ZMAT1: variants seen among roughly 807,000 people sequenced by gnomAD.
ZMAT1 encodes zinc finger matrin-type 1.
Under a neutral mutation model 18.5 loss-of-function variants are expected in ZMAT1, and 11 were observed. The ratio of observed to expected loss-of-function variants is 0.59; its 90% CI spans 0.37 to 0.98. The LOEUF is 0.98. Among genes scored for constraint, ZMAT1 ranks in the 50% least tolerant of loss-of-function variants. The pLI is 0.01. For missense variants in ZMAT1, 525 were observed against 496.2 expected (o/e 1.06, Z -0.55); for synonymous variants, 211 against 176.4 (o/e 1.20, Z -1.55).
In ZMAT1 at chrX:101,931,990, T is replaced by G. The variant is rs953589203; in HGVS notation, c.19A>C (p.Thr7Pro). The G allele has an allele frequency of 1.3e-6, 1 of 767,321 alleles. No homozygotes were observed. Among genetic ancestry groups the G allele is most frequent in the Non-Finnish European group, 1.5e-6 (1 of 648,622 alleles). The allele number at this position is 767,321 out of a possible 1,213,427, so 63.2% of individuals were successfully genotyped here. A position where few individuals can be genotyped will look rare whatever the true frequency, so the allele number is the denominator to read the frequency against. The change falls in exon 1 of 6, where the codon ACA (threonine) becomes CCA (proline). Residue 7 changes from threonine (T) to proline (P), a missense_variant. Coordinates refer to ENST00000651725, the MANE Select transcript of ZMAT1 (RefSeq NM_001394560.1). MAAAPS[T>P]VTPLAAESSP... ...GACTCCGCCGCCAGCGGGGTGACTG[T>G]GCTCGGCGCCGCCGCCATCGCAGCG...
At chrX:101,899,963 C>G (rs1272010591) in intron 2 of ZMAT1, among the ~76,000 whole-genome samples, 3 of 111,718 alleles carry the variant, frequency 2.7e-5, no homozygotes, top group Admixed American at 1.9e-4. Context: ...CACGCCAACA[C>G]TACTGTTATT....
Position 101,926,711 on chromosome X carries a change from C to T in ZMAT1, c.292+5006G>A, listed in dbSNP as rs530228586. On this transcript the variant is annotated intron_variant, in intron 1 of 5. Coordinates refer to ENST00000651725, the MANE Select transcript of ZMAT1 (RefSeq NM_001394560.1). ...AGTTTAAGCTATTCAAATTAGGTGA[C>T]TCTATTTTAGATATAACTGGCTATA... 1.1e-4 allele frequency among the ~76,000 whole-genome samples: 12 copies of T among 112,100 alleles called. No individual in the cohort carries two copies. The South Asian group carries it at 3.3e-3, about 31-fold the overall frequency.
intron 4 of ZMAT1, chrX:101,887,908 T>A (rs1324730626): frequency 9.0e-6 from 1 of 111,663 alleles, no homozygotes; most frequent in African/African-American, 3.3e-5. Flanking sequence ...ATGACAGACA[T>A]CAAGAAAAAC....
At chrX:101,905,166 C>T (rs929051868) in intron 1 of ZMAT1, among the ~76,000 whole-genome samples, 1 of 112,216 alleles carries the variant, frequency 8.9e-6, no homozygotes, top group African/African-American at 3.2e-5. Context: ...GAACCACAAA[C>T]TATCTTTGCC....
Position 101,931,795 on chromosome X carries a change from A to AGCCGCCGCC in ZMAT1, c.205_213dup (p.Gly69_Gly71dup). On this transcript the variant is annotated inframe_insertion, in exon 1 of 6. Coordinates refer to ENST00000651725, the MANE Select transcript of ZMAT1 (RefSeq NM_001394560.1). The stretch of plus-strand genomic sequence containing the variant: ...GCCGCCGCCATAGTGGAGCCGCCAA[A>AGCCGCCGCC]GCCGCCGCCGCCGCCGTCGCCACAG... 2 of 781,654 alleles carry AGCCGCCGCC rather than the reference A, an allele frequency of 2.6e-6. No homozygotes were observed. The highest frequency in any genetic ancestry group is 8.5e-5 in the Admixed American group (1 of 11,807). The allele number at this position is 781,654 out of a possible 1,213,427, so 64.4% of individuals were successfully genotyped here.
intron 4 of ZMAT1, chrX:101,895,054 G>A (rs1166439460): frequency 1.1e-5 from 2 of 180,693 alleles, no homozygotes; most frequent in Non-Finnish European, 1.7e-5. Context: ...TCTATCCACT[G>A]AAAATCATCT....
At chrX:101,923,422 G>A (rs1929855037) in intron 1 of ZMAT1, among the ~76,000 whole-genome samples, 2 of 111,358 alleles carry the variant, frequency 1.8e-5, no homozygotes, top group African/African-American at 3.3e-5. Flanking sequence ...GAATATATAC[G>A]GAAGCAAAAT....
chrX:101,903,039 A>G (rs892240709), intron 2 of ZMAT1, among the ~76,000 whole-genome samples: 7 of 111,455 alleles, frequency 6.3e-5, no homozygotes, highest in African/African-American at 2.3e-4. Flanking sequence ...ATTTTTGCCT[A>G]TTTTCTAGAC....
At chrX:101,930,875 T>TA (rs1164662374) in intron 1 of ZMAT1, among the ~76,000 whole-genome samples, 1 of 112,392 alleles carries the variant, frequency 8.9e-6, no homozygotes, top group Non-Finnish European at 1.9e-5. Context: ...GAATACCGCT[T>TA]ATATTGATAC....
intron 4 of ZMAT1, chrX:101,889,170 G>T (rs1927189922): frequency 9.0e-6 from 1 of 111,536 alleles, no homozygotes; most frequent in African/African-American, 3.3e-5. Context: ...ATATACAAAA[G>T]TTGTGTAAAC....
At chrX:101,911,898 C>T in intron 1 of ZMAT1, 1 of 1,207,617 alleles carries the variant, frequency 8.3e-7, no homozygotes, top group Admixed American at 2.2e-5. Flanking sequence ...AGGACGCACA[C>T]TGGGGAAAAG....
intron 1 of ZMAT1, among the ~76,000 whole-genome samples, chrX:101,917,120 G>C (rs1036880584): frequency 8.9e-6 from 1 of 111,959 alleles, no homozygotes; most frequent in African/African-American, 3.2e-5. Flanking sequence ...CCAGGACACT[G>C]GTCTTGGCAA....
chrX:101,931,082 G>T (rs1275949408), intron 1 of ZMAT1, among the ~76,000 whole-genome samples: 2 of 111,430 alleles, frequency 1.8e-5, no homozygotes, highest in East Asian at 5.6e-4. Context: ...TCTTTCCCTA[G>T]TAGAGTCCCC....
chrX:101,893,565 A>T (rs1431038065), intron 4 of ZMAT1, among the ~76,000 whole-genome samples: 1 of 111,939 alleles, frequency 8.9e-6, no homozygotes, highest in African/African-American at 3.2e-5. Flanking sequence ...ATTAATAGTT[A>T]TCTGATGCAT....
chrX:101,913,435 C>T (rs1162582606), intron 1 of ZMAT1, among the ~76,000 whole-genome samples: 2 of 111,492 alleles, frequency 1.8e-5, no homozygotes, highest in African/African-American at 6.5e-5. Context: ...GATCTGTTGC[C>T]TAGAGGAAAC....
chrX:101,928,518 C>T (rs1205688342), intron 1 of ZMAT1, among the ~76,000 whole-genome samples: 6 of 112,073 alleles, frequency 5.4e-5, no homozygotes, highest in Non-Finnish European at 1.1e-4. Context: ...CCACCACGCC[C>T]GGCTAATTTT....
intron 1 of ZMAT1, among the ~76,000 whole-genome samples, chrX:101,929,317 T>C (rs1027322177): frequency 5.6e-5 from 6 of 107,117 alleles, no homozygotes; most frequent in Non-Finnish European, 9.6e-5. Flanking sequence ...AAGCAAAAGA[T>C]ATTGGCACAC....
intron 1 of ZMAT1, among the ~76,000 whole-genome samples, chrX:101,921,093 G>A (rs775050441): frequency 1.8e-5 from 2 of 110,706 alleles, no homozygotes; most frequent in South Asian, 7.7e-4. Context: ...ATTCTCCGAA[G>A]TTGAGGCTAA....
chrX:101,890,437 G>T (rs762253524), intron 4 of ZMAT1, among the ~76,000 whole-genome samples: 3 of 111,643 alleles, frequency 2.7e-5, no homozygotes, highest in Non-Finnish European at 5.7e-5. Context: ...TTGTAAGAAA[G>T]CAGGTAAGGG....
Sources: gnomAD v4.1 joint callset for allele counts (sites outside exome capture counted in the v4.1 genomes callset) on GRCh38, gnomAD v4.1.1 for gene constraint, MANE v1.5 for transcripts, NCBI Gene and HGNC (gene_info 2026-07-23, HGNC 2026-07-21) for gene names.